CD36: variants seen among roughly 807,000 people sequenced by gnomAD.
CD36 encodes the protein platelet glycoprotein 4.
CD36 carries 119 observed loss-of-function variants against 55.2 expected under a neutral mutation model. That is an observed-to-expected ratio of 2.15 (90% CI 1.86 to 2.51). CD36 has a LOEUF of 2.51. Ranked by LOEUF, CD36 falls within the 30% of genes most tolerant of loss-of-function variation. The pLI is 0.00. For synonymous variants in CD36, 186 were observed against 193.6 expected, an observed-to-expected ratio of 0.96 and a Z score of 0.33; for missense variants, 819 against 555.5, an observed-to-expected ratio of 1.47 and a Z score of -4.77.
chr7:80,645,927 A>G (rs950929479), intron 1 of CD36, among the ~76,000 whole-genome samples, 161 bp from the exon 2 acceptor site: 5 of 152,190 alleles, frequency 3.3e-5, no homozygotes, highest in African/African-American at 7.2e-5. Context: ...TCCATGTTTT[A>G]AACAGTTTTT....
At chr7:80,672,995 A>G (rs1797865121) in intron 12 of CD36, 152 bp downstream of exon 12, 1 of 653,534 alleles carries the variant, frequency 1.5e-6, no homozygotes. Flanking sequence ...TTAAATGCTT[A>G]TGACTAATTT....
At chr7:80,648,399 C>T (rs1474557749) in intron 3 of CD36, among the ~76,000 whole-genome samples, 1 of 152,094 alleles carries the variant, frequency 6.6e-6, no homozygotes, top group African/African-American at 2.4e-5. Flanking sequence ...TTTTTGCTGA[C>T]ACATAATTAT....
rs3211846 is a variant in CD36, at chr7:80,653,639, C to A, written c.121-2901C>A. On this transcript the variant is annotated intron_variant, in intron 3 of 14. Coordinates refer to ENST00000447544, the MANE Select transcript of CD36 (RefSeq NM_001001548.3). ...ATCACTTTTTCTGTGTACATACTTA[C>A]CAGCTTTGTACTTCAAATTTAGTAA... 8.4e-3 allele frequency among the ~76,000 whole-genome samples: 1,279 copies of A among 152,226 alleles called. 18 individuals are homozygous for A. The highest frequency in any genetic ancestry group is 0.029 in the African/African-American group (1,210 of 41,542).
intron 3 of CD36, among the ~76,000 whole-genome samples, chr7:80,655,691 C>G (rs185689362): frequency 3.2e-4 from 49 of 152,158 alleles, no homozygotes; most frequent in Non-Finnish European, 5.4e-4. Context: ...GTGGCTCACA[C>G]CTGTAATTCC....
In CD36 at chr7:80,663,084, T is replaced by C. The variant is rs146120263; in HGVS notation, c.524T>C (p.Leu175Ser). Residue 175 changes from leucine (L) to serine (S), a missense_variant, in exon 6 of 15, where the codon TTG (leucine) becomes TCG (serine). Leu to Ser is a moderately radical substitution (Grantham distance 145). Transcript: ENST00000447544. ...SKSSMFQVRT[L>S]RELLWGYRDP... ...TCTTCTATGTTCCAAGTCAGAACTT[T>C]GAGAGAACTGTTATGGGGCTATAGG... 2 of 1,613,456 alleles carry C rather than the reference T, an allele frequency of 1.2e-6. No individual in the cohort carries two copies. Among genetic ancestry groups the C allele is most frequent in the South Asian group, 2.2e-5 (2 of 91,080 alleles).
intron 3 of CD36, among the ~76,000 whole-genome samples, chr7:80,650,900 T>C (rs1795551833): frequency 6.8e-6 from 1 of 146,424 alleles, no homozygotes; most frequent in African/African-American, 2.5e-5. Context: ...TAGAGTTGTG[T>C]GCAGCCAGCA....
At chr7:80,649,167 T>A (rs904702010) in intron 3 of CD36, among the ~76,000 whole-genome samples, 1 of 152,078 alleles carries the variant, frequency 6.6e-6, no homozygotes, top group African/African-American at 2.4e-5. Flanking sequence ...AAAATATCTG[T>A]GAGAAGTTGC....
chr7:80,641,300 C>A (rs1217784413), intron 1 of CD36, among the ~76,000 whole-genome samples: 1 of 151,998 alleles, frequency 6.6e-6, no homozygotes, highest in African/African-American at 2.4e-5. Context: ...GAATTTGAAT[C>A]TACATTTTTA....
At position 80,664,446 on chromosome 7, in the gene CD36, G is replaced by T; in HGVS notation, c.650G>T (p.Gly217Val). 4 of 1,582,494 alleles carry T rather than the reference G, an allele frequency of 2.5e-6. No homozygotes were observed. Among genetic ancestry groups the T allele is most frequent in the South Asian group, 1.1e-5 (1 of 90,428 alleles). The change falls in exon 7 of 15, where the codon GGA (glycine) becomes GTA (valine). Residue 217 changes from glycine (G) to valine (V), a missense_variant. Physicochemically the swap from Gly to Val is moderately radical, Grantham distance 109 (BLOSUM62 -3). Coordinates refer to ENST00000447544, the MANE Select transcript of CD36 (RefSeq NM_001001548.3). ...TADGVYKVFN[G>V]KDNISKVAII... is the part of the protein sequence containing the mutation. The stretch of plus-strand genomic sequence containing the variant: ...GATGGAGTTTATAAAGTTTTCAATG[G>T]AAAAGATAACATAAGTAAAGTTGCC...
rs1281149093 is a variant in CD36, at chr7:80,661,162, A to T, written c.381A>T (p.Ser127=). The T allele has an allele frequency of 6.2e-7, 1 of 1,614,018 alleles. No individual in the cohort carries two copies. The highest frequency in any genetic ancestry group is 8.5e-7 in the Non-Finnish European group (1 of 1,179,918). Residue 127 remains serine, a synonymous_variant, in exon 5 of 15, where the codon TCA becomes TCT. Coordinates refer to ENST00000447544, the MANE Select transcript of CD36 (RefSeq NM_001001548.3). ...PNGAIFEPSL[S]VGTEADNFTV... Reference sequence around the variant, plus strand: ...GTGCCATCTTCGAACCTTCACTATCAGTTGGAACAGAGGCTGACAACTTCA... The same window carrying T: ...GTGCCATCTTCGAACCTTCACTATCTGTTGGAACAGAGGCTGACAACTTCA...
At chr7:80,665,680 T>C (rs1322329281) in intron 7 of CD36, among the ~76,000 whole-genome samples, 1 of 152,110 alleles carries the variant, frequency 6.6e-6, no homozygotes, top group African/African-American at 2.4e-5. Context: ...CATTTTAAGA[T>C]TGTAAGGTTG....
chr7:80,670,647 T>C, intron 9 of CD36: 1 of 322,976 alleles, frequency 3.1e-6, no homozygotes, highest in Non-Finnish European at 5.8e-6. Flanking sequence ...CCAGGATTAA[T>C]TAAGCCGTGA....
chr7:80,666,605 C>T (rs1027598926), intron 8 of CD36, 116 bp downstream of exon 8: 1 of 777,970 alleles, frequency 1.3e-6, no homozygotes, highest in Non-Finnish European at 2.3e-6. Context: ...GCCTTTATAT[C>T]CCCACAACAA....
chr7:80,676,308 T>TAC (rs1482888140), intron 14 of CD36, 76 bp from the exon 15 acceptor site: 1 of 152,164 alleles, frequency 6.6e-6, no homozygotes, highest in East Asian at 1.9e-4. Flanking sequence ...TGAAAATCTC[T>TAC]ACCTTGCACA....
chr7:80,632,496 G>A (rs1237318034), intron 1 of CD36, among the ~76,000 whole-genome samples: 3 of 151,978 alleles, frequency 2.0e-5, no homozygotes, highest in Admixed American at 2.0e-4. Context: ...CTTTAAACTT[G>A]AGGTAACAGA....
At chr7:80,665,092 G>C (rs936582176) in intron 7 of CD36, among the ~76,000 whole-genome samples, 1 of 151,830 alleles carries the variant, frequency 6.6e-6, no homozygotes, top group Non-Finnish European at 1.5e-5. Flanking sequence ...AAAATAGAAT[G>C]AATATTTCAA....
Position 80,678,436 on chromosome 7 carries a change from A to G in CD36, c.*2053A>G, listed in dbSNP as rs1798228071. Reference sequence around the variant, plus strand: ...AAATAGGTTAATGCATATTGCTTCTAACAAGTGCATGAAGAAATAGAAGAA... The same window carrying G: ...AAATAGGTTAATGCATATTGCTTCTGACAAGTGCATGAAGAAATAGAAGAA... On this transcript the variant is annotated 3_prime_UTR_variant, in exon 15 of 15. Transcript: ENST00000447544. 1 of 152,208 alleles carries G rather than the reference A, an allele frequency of 6.6e-6. No homozygotes were observed. The highest frequency in any genetic ancestry group is 6.5e-5 in the Admixed American group (1 of 15,276). The allele number at this position is 152,208 out of a possible 1,614,324, so 9.4% of individuals were successfully genotyped here. A position where few individuals can be genotyped will look rare whatever the true frequency, so the allele number is the denominator to read the frequency against.
chr7:80,673,286 T>C, intron 12 of CD36, 69 bp from the exon 13 acceptor site: 1 of 729,926 alleles, frequency 1.4e-6, no homozygotes, highest in Non-Finnish European at 2.3e-6. Flanking sequence ...TTATGAACAT[T>C]TATTTTAAAG....
chr7:80,673,176 G>T, intron 12 of CD36, 179 bp from the exon 13 acceptor site: 1 of 533,896 alleles, frequency 1.9e-6, no homozygotes, highest in Non-Finnish European at 3.3e-6. Flanking sequence ...AAATCAATGT[G>T]ATTAGAAGAC....
Sources: gnomAD v4.1 joint callset for allele counts (sites outside exome capture counted in the v4.1 genomes callset) on GRCh38, gnomAD v4.1.1 for gene constraint, MANE v1.5 for transcripts, NCBI Gene and HGNC (gene_info 2026-07-23, HGNC 2026-07-21) for gene names.